The following PKD1L1 variants were observed in gnomAD, a reference collection of about 807,000 sequenced individuals.
The protein encoded by PKD1L1 is polycystin 1 like 1, transient receptor potential channel interacting.
Under a neutral mutation model 323.4 loss-of-function variants are expected in PKD1L1, and 236 were observed. The ratio of observed to expected loss-of-function variants is 0.73; its 90% CI spans 0.66 to 0.81. PKD1L1 has a LOEUF of 0.81. PKD1L1 is among the 40% of genes least tolerant of loss of function. PKD1L1 has a pLI of 0.00. For synonymous variants in PKD1L1, 1,344 were observed against 1,335.0 expected, an observed-to-expected ratio of 1.01 and a Z score of -0.15; for missense variants, 3,320 against 3,508.0, an observed-to-expected ratio of 0.95 and a Z score of 1.35.
At chr7:47,947,162 A>T (rs1033201219) in intron 1 of PKD1L1, among the ~76,000 whole-genome samples, 8 of 152,364 alleles carry the variant, frequency 5.3e-5, no homozygotes, top group Middle Eastern at 3.4e-3. Flanking sequence ...ATTTCCAAGC[A>T]TGAATGTGAC....
intron 21 of PKD1L1, among the ~76,000 whole-genome samples, chr7:47,878,541 AAC>A (rs1201954517): frequency 1.3e-5 from 2 of 152,230 alleles, no homozygotes; most frequent in African/African-American, 4.8e-5. Context: ...TATCTTATTT[AAC>A]AGTCACATTA....
intron 52 of PKD1L1, among the ~76,000 whole-genome samples, chr7:47,807,316 T>C (rs1394305942): frequency 1.3e-5 from 2 of 151,710 alleles, no homozygotes; most frequent in African/African-American, 4.8e-5. Flanking sequence ...GAAGCAGAAG[T>C]GTAGAGGAAA....
Position 47,854,918 on chromosome 7 carries a change from G to C in PKD1L1, c.4823C>G (p.Pro1608Arg), listed in dbSNP as rs1785863346. Reference sequence around the variant, plus strand: ...CATGACGGGAAATGCCCTTGTAACAGGTTTGGAAAATTCAATTTCTATCTG... The same window carrying C: ...CATGACGGGAAATGCCCTTGTAACACGTTTGGAAAATTCAATTTCTATCTG... ...SLQIEIEFSK[P>R]VTRAFPVMLL... Residue 1608 changes from proline to arginine, a missense_variant, in exon 30 of 57, where the codon CCT (proline) becomes CGT (arginine). Physicochemically the swap from Pro to Arg is moderately radical, Grantham distance 103. Transcript: ENST00000289672. 1 of 1,614,094 alleles carries C rather than the reference G, an allele frequency of 6.2e-7. No individual in the cohort carries two copies. The highest frequency in any genetic ancestry group is 8.5e-7 in the Non-Finnish European group (1 of 1,180,012).
intron 13 of PKD1L1, among the ~76,000 whole-genome samples, chr7:47,900,032 T>A (rs1320591868): frequency 6.6e-6 from 1 of 151,970 alleles, no homozygotes; most frequent in East Asian, 1.9e-4. Flanking sequence ...TGGTGCTCAT[T>A]ATAAATGAAA....
At chr7:47,945,612 G>A (rs1425089670) in intron 1 of PKD1L1, among the ~76,000 whole-genome samples, 2 of 152,118 alleles carry the variant, frequency 1.3e-5, no homozygotes, top group African/African-American at 4.8e-5. Flanking sequence ...GGACAACTTT[G>A]GAATCATACA....
Position 47,808,403 on chromosome 7 carries a change from G to T in PKD1L1, c.7687-16C>A, listed in dbSNP as rs1312184642. The T allele has an allele frequency of 1.2e-6, 2 of 1,613,544 alleles. No individual in the cohort carries two copies. The highest frequency in any genetic ancestry group is 2.7e-5 in the African/African-American group (2 of 74,900). On this transcript the variant is annotated splice_polypyrimidine_tract_variant and intron_variant, in intron 51 of 56. Coordinates refer to ENST00000289672, the MANE Select transcript of PKD1L1 (RefSeq NM_138295.5). ...CCACGGAGAGCTGGAACATCCAAGAGAAAGGCCCTCAGATGGCTCCTGAGG... is the reference window on the plus strand; with the variant it reads ...CCACGGAGAGCTGGAACATCCAAGATAAAGGCCCTCAGATGGCTCCTGAGG...
rs1345661508 is a variant in PKD1L1 at position 47,931,267 on chromosome 7, A to G, written c.574T>C (p.Cys192Arg). The stretch of plus-strand genomic sequence containing the variant: ...CAGCACAGCAGTCTCAGGACACAGC[A>G]GGAAGCCTCCATCTTCAGGCTGCAG... ...APCSLKMEASCCVLRLLCCAE... is the reference protein window; with the variant it reads ...APCSLKMEASRCVLRLLCCAE... Residue 192 changes from cysteine (C) to arginine (R), a missense_variant, in exon 6 of 57, where the codon TGC (cysteine) becomes CGC (arginine). Coordinates refer to ENST00000289672, the MANE Select transcript of PKD1L1 (RefSeq NM_138295.5). The G allele has an allele frequency of 6.2e-7, 1 of 1,614,140 alleles. No individual in the cohort carries two copies. The highest frequency in any genetic ancestry group is 8.5e-7 in the Non-Finnish European group (1 of 1,180,046).
Position 47,788,577 on chromosome 7 carries a change from A to ATATATATATT in PKD1L1, c.8526+4049_8526+4050insAATATATATA, listed in dbSNP as rs939251075. ...CCAGCCCAGTTATATATATATATATATTTTTTTTTTTTAATTTTAATTTTA... is the reference window on the plus strand; with the variant it reads ...CCAGCCCAGTTATATATATATATATATATATATATTTTTTTTTTTTTTAATTTTAATTTTA... On this transcript the variant is annotated intron_variant, in intron 56 of 56. Transcript: ENST00000289672. 4.9e-3 allele frequency among the ~76,000 whole-genome samples: 682 copies of ATATATATATT among 138,012 alleles called. 2 individuals carry two copies. The highest frequency in any genetic ancestry group is 0.015 in the African/African-American group (564 of 37,420). 90.5% of individuals were successfully genotyped at this position (138,012 alleles called of 152,430 possible). A position where few individuals can be genotyped will look rare whatever the true frequency, so the allele number is the denominator to read the frequency against.
chr7:47,903,778 C>T (rs1173514884), intron 12 of PKD1L1, among the ~76,000 whole-genome samples: 2 of 152,182 alleles, frequency 1.3e-5, no homozygotes, highest in Admixed American at 6.5e-5. Context: ...AGGATTAGAT[C>T]CACTTGGGTC....
intron 54 of PKD1L1, among the ~76,000 whole-genome samples, chr7:47,800,316 A>G (rs1784631647): frequency 6.6e-6 from 1 of 152,218 alleles, no homozygotes; most frequent in Non-Finnish European, 1.5e-5. Context: ...GGCAACAGAT[A>G]CCCCTGAGGC....
chr7:47,900,771 CA>C (rs1486655043), intron 13 of PKD1L1, among the ~76,000 whole-genome samples: 43 of 151,986 alleles, frequency 2.8e-4, no homozygotes, highest in Non-Finnish European at 5.9e-4. Flanking sequence ...CTGGCAACAA[CA>C]GTTGTTCAAT....
intron 21 of PKD1L1, among the ~76,000 whole-genome samples, chr7:47,879,045 T>C (rs1436783267): frequency 2.6e-5 from 4 of 152,234 alleles, no homozygotes; most frequent in African/African-American, 9.6e-5. Context: ...CAAAAGGTAT[T>C]TGTTGAAACA....
chr7:47,886,886 G>A (rs1430370657), intron 17 of PKD1L1, among the ~76,000 whole-genome samples: 1 of 152,102 alleles, frequency 6.6e-6, no homozygotes, highest in Non-Finnish European at 1.5e-5. Flanking sequence ...CAAAACTGCT[G>A]TTAGAATTTA....
intron 14 of PKD1L1, among the ~76,000 whole-genome samples, chr7:47,896,350 A>AG (rs1477642182): frequency 1.3e-5 from 2 of 151,606 alleles, no homozygotes; most frequent in Non-Finnish European, 2.9e-5. Context: ...AAAAAAAAAA[A>AG]AAAAGGAGTC....
intron 30 of PKD1L1, 117 bp from the exon 31 acceptor site, chr7:47,853,344 G>A (rs1313439795): frequency 2.8e-6 from 2 of 724,538 alleles, no homozygotes; most frequent in East Asian, 5.3e-5. Flanking sequence ...TCACTGCAAG[G>A]AGGTAGCCTG....
chr7:47,876,087 C>A lies in PKD1L1; in HGVS notation c.3784+10G>T. 2 of 1,613,486 alleles carry A rather than the reference C, an allele frequency of 1.2e-6. No individual in the cohort carries two copies. The highest frequency in any genetic ancestry group is 8.5e-7 in the Non-Finnish European group (1 of 1,179,596). ...CACAGCTAGTGACTCCAACTGGCAC[C>A]ATAGCTTACCTTTGTAATTGTCCAA... On this transcript the variant is annotated intron_variant, in intron 23 of 56. Transcript: ENST00000289672.
At chr7:47,795,881 G>A in intron 55 of PKD1L1, 108 bp downstream of exon 55, 2 of 1,317,668 alleles carry the variant, frequency 1.5e-6, no homozygotes, top group South Asian at 1.3e-5. Flanking sequence ...AGGAGATTTG[G>A]CATGGAAACA....
chr7:47,805,313 T>C (rs1009307565), intron 52 of PKD1L1, among the ~76,000 whole-genome samples: 16 of 152,248 alleles, frequency 1.1e-4, no homozygotes, highest in African/African-American at 3.6e-4. Flanking sequence ...TCCTGGGTGT[T>C]AAATTCCATC....
the PKD1L1 span, among the ~76,000 whole-genome samples, chr7:47,959,681 C>T: frequency 1.5e-5 from 2 of 132,520 alleles, no homozygotes; most frequent in African/African-American, 2.6e-5. Flanking sequence ...CCAGCCGCCC[C>T]GTCCGGGAGG....
Sources: gnomAD v4.1 joint callset for allele counts (sites outside exome capture counted in the v4.1 genomes callset) on GRCh38, gnomAD v4.1.1 for gene constraint, MANE v1.5 for transcripts, NCBI Gene and HGNC (gene_info 2026-07-23, HGNC 2026-07-21) for gene names.